The following ERBB4 variants were observed in gnomAD, a reference collection of about 807,000 sequenced individuals.
ERBB4 encodes the protein receptor tyrosine-protein kinase erbB-4.
A neutral mutation model predicts 158.0 loss-of-function variants in ERBB4; 42 were observed. The observed-to-expected ratio is 0.27, with a 90% CI of 0.21 to 0.34. The LOEUF is 0.34. Among genes scored for constraint, ERBB4 ranks in the 10% least tolerant of loss-of-function variants. The pLI, the probability that ERBB4 is intolerant of heterozygous loss-of-function variation, is 1.00. For missense variants in ERBB4, 1,333 were observed against 1,624.1 expected, an observed-to-expected ratio of 0.82 and a Z score of 3.08; for synonymous variants, 583 against 558.7, an observed-to-expected ratio of 1.04 and a Z score of -0.61.
chr2:211,857,937 G>C (rs1409897413), intron 3 of ERBB4, among the ~76,000 whole-genome samples: 5 of 152,228 alleles, frequency 3.3e-5, no homozygotes, highest in African/African-American at 1.2e-4. Context: ...TCTGTATGAG[G>C]AAAATGGTGA....
chr2:211,940,957 C>T (rs1157894767), intron 3 of ERBB4, among the ~76,000 whole-genome samples: 2 of 152,238 alleles, frequency 1.3e-5, no homozygotes, highest in Non-Finnish European at 2.9e-5. Context: ...TCTCTGATCC[C>T]TTAATTATAA....
chr2:212,500,658 A>G (rs1690838678), intron 1 of ERBB4, among the ~76,000 whole-genome samples: 1 of 152,168 alleles, frequency 6.6e-6, no homozygotes, highest in South Asian at 2.1e-4. Flanking sequence ...ACCTTGCTAC[A>G]CAAAGTATTT....
At chr2:212,433,553 T>G (rs2092075546) in intron 1 of ERBB4, among the ~76,000 whole-genome samples, 1 of 152,014 alleles carries the variant, frequency 6.6e-6, no homozygotes, top group Non-Finnish European at 1.5e-5. Context: ...TGGTGTTCCT[T>G]TAATACAACT....
intron 15 of ERBB4, among the ~76,000 whole-genome samples, chr2:211,661,049 A>G (rs917367959): frequency 2.6e-5 from 4 of 152,068 alleles, no homozygotes; most frequent in Non-Finnish European, 5.9e-5. Flanking sequence ...CTGGGGAAAG[A>G]GCGGGGAGGG....
chr2:212,055,068 G>A (rs560172309), intron 2 of ERBB4, among the ~76,000 whole-genome samples: 102 of 152,254 alleles, frequency 6.7e-4, no homozygotes, highest in South Asian at 1.2e-3. Flanking sequence ...AAGCAGTGAC[G>A]GATGGCACCT....
At chr2:211,997,723 T>G (rs2082232726) in intron 2 of ERBB4, among the ~76,000 whole-genome samples, 1 of 152,050 alleles carries the variant, frequency 6.6e-6, no homozygotes, top group African/African-American at 2.4e-5. Flanking sequence ...TGTAACTTAA[T>G]GCAATTACTG....
chr2:211,997,870 A>T (rs2082236176), intron 2 of ERBB4, among the ~76,000 whole-genome samples: 1 of 147,738 alleles, frequency 6.8e-6, no homozygotes, highest in Non-Finnish European at 1.5e-5. Flanking sequence ...TATTTCATAT[A>T]GCCTATCAAT....
chr2:212,295,924 C>A (rs2086394410), intron 1 of ERBB4, among the ~76,000 whole-genome samples: 1 of 151,974 alleles, frequency 6.6e-6, no homozygotes, highest in South Asian at 2.1e-4. Flanking sequence ...TTTTGCCAGC[C>A]ATTCATCAAA....
At chr2:211,495,016 T>A (rs10172698) in intron 20 of ERBB4, among the ~76,000 whole-genome samples, 102,641 of 151,942 alleles carry the variant, frequency 0.68, 36,515 homozygotes, top group African/African-American at 0.9. Context: ...AATCATATTG[T>A]CTAAATTCTT....
At chr2:212,035,695 G>A (rs1298128513) in intron 2 of ERBB4, among the ~76,000 whole-genome samples, 2 of 152,118 alleles carry the variant, frequency 1.3e-5, no homozygotes, top group African/African-American at 4.8e-5. Context: ...AGCTACTTGA[G>A]GGCAAAAATG....
intron 1 of ERBB4, among the ~76,000 whole-genome samples, chr2:212,391,628 T>G (rs1425482736): frequency 7.1e-6 from 1 of 140,038 alleles, no homozygotes; most frequent in African/African-American, 2.7e-5. Flanking sequence ...TGTCAATATA[T>G]TATATTGACA....
At chr2:211,518,031 A>G (rs1203448134) in intron 20 of ERBB4, among the ~76,000 whole-genome samples, 1 of 152,048 alleles carries the variant, frequency 6.6e-6, no homozygotes, top group Non-Finnish European at 1.5e-5. Context: ...CACTAATCAC[A>G]CCATAAATGT....
At chr2:212,418,981 A>G (rs569605932) in intron 1 of ERBB4, among the ~76,000 whole-genome samples, 17 of 152,080 alleles carry the variant, frequency 1.1e-4, no homozygotes, top group Admixed American at 8.5e-4. Flanking sequence ...AGAGCATTTA[A>G]GCTTTCCTTA....
intron 1 of ERBB4, among the ~76,000 whole-genome samples, chr2:212,294,614 C>T (rs2086341965): frequency 6.6e-6 from 1 of 151,956 alleles, no homozygotes; most frequent in Non-Finnish European, 1.5e-5. Flanking sequence ...TTTTATAAAT[C>T]TGTTCTATCA....
intron 20 of ERBB4, among the ~76,000 whole-genome samples, chr2:211,545,091 G>A (rs1386499704): frequency 1.3e-5 from 2 of 152,008 alleles, no homozygotes; most frequent in Non-Finnish European, 2.9e-5. Context: ...CATTCTTCCA[G>A]TCTATAGTAG....
intron 7 of ERBB4, among the ~76,000 whole-genome samples, chr2:211,719,716 A>G (rs1399335108): frequency 6.6e-6 from 1 of 151,920 alleles, no homozygotes. Context: ...TTAGCCAAGC[A>G]TGGTGGCACG....
chr2:212,490,260 G>A (rs576518153), intron 1 of ERBB4, among the ~76,000 whole-genome samples: 12 of 151,838 alleles, frequency 7.9e-5, no homozygotes, highest in Admixed American at 6.6e-4. Context: ...CTTATCCATT[G>A]TTTCATCTCC....
chr2:211,420,306 GGT>G (rs1483554151), intron 25 of ERBB4, 133 bp downstream of exon 25: 2 of 681,762 alleles, frequency 2.9e-6, no homozygotes, highest in Non-Finnish European at 2.5e-6. Flanking sequence ...ATCTTTTGTG[GGT>G]ATGGTATATT....
At chr2:212,212,606 C>T (rs903913202) in intron 1 of ERBB4, among the ~76,000 whole-genome samples, 2 of 151,738 alleles carry the variant, frequency 1.3e-5, no homozygotes, top group Non-Finnish European at 2.9e-5. Flanking sequence ...ACCCCTATAG[C>T]CAAGACAATC....
Sources: gnomAD v4.1 joint callset for allele counts (sites outside exome capture counted in the v4.1 genomes callset) on GRCh38, gnomAD v4.1.1 for gene constraint, MANE v1.5 for transcripts, NCBI Gene and HGNC (gene_info 2026-07-23, HGNC 2026-07-21) for gene names.